Variants in LRP6 observed in about 807,000 individuals in gnomAD.
LRP6 encodes LDL receptor related protein 6, also known as low-density lipoprotein receptor-related protein 6.
A neutral mutation model predicts 184.1 loss-of-function variants in LRP6; 43 were observed. That is an observed-to-expected ratio of 0.23 (90% CI 0.18 to 0.30). The LOEUF is 0.30. Among genes scored for constraint, LRP6 ranks in the 10% least tolerant of loss-of-function variants. The probability of loss-of-function intolerance (pLI) is 1.00; values close to 1 mark genes in which losing one functional copy is unlikely to be tolerated. For missense variants in LRP6, 1,571 were observed against 2,005.3 expected (o/e 0.78, Z 4.14); for synonymous variants, 719 against 684.9 (o/e 1.05, Z -0.78).
intron 1 of LRP6, among the ~76,000 whole-genome samples, chr12:12,252,652 T>C (rs1026498749): frequency 6.6e-5 from 10 of 152,196 alleles, no homozygotes; most frequent in African/African-American, 2.4e-4. Flanking sequence ...GGATTTTTTT[T>C]CCTCAATGTT....
chr12:12,168,533 T>C (rs1591908370), intron 7 of LRP6, among the ~76,000 whole-genome samples: 1 of 152,126 alleles, frequency 6.6e-6, no homozygotes, highest in South Asian at 2.1e-4. Context: ...CTATGGCAGG[T>C]ATTAAATTCC....
At chr12:12,241,446 TAGG>T (rs1565700962) in intron 2 of LRP6, among the ~76,000 whole-genome samples, 1 of 152,230 alleles carries the variant, frequency 6.6e-6, no homozygotes, top group Non-Finnish European at 1.5e-5. Flanking sequence ...TTTTTCAGTG[TAGG>T]AGTTTAAAAT....
At chr12:12,187,564 A>G (rs1168686492) in intron 3 of LRP6, 2 of 204,820 alleles carry the variant, frequency 9.8e-6, no homozygotes, top group Non-Finnish European at 2.0e-5. Flanking sequence ...TATATCAGCA[A>G]TAGGTTTTTT....
chr12:12,252,784 T>C (rs1248510213), intron 1 of LRP6, among the ~76,000 whole-genome samples: 4 of 152,220 alleles, frequency 2.6e-5, no homozygotes, highest in African/African-American at 9.6e-5. Flanking sequence ...TCCAGACTGC[T>C]AAATCTTTTT....
chr12:12,135,386 G>A, intron 16 of LRP6, 86 bp from the exon 17 acceptor site: 1 of 828,784 alleles, frequency 1.2e-6, no homozygotes, highest in South Asian at 1.5e-5. Context: ...GGACAACCCT[G>A]TCAAAACTAT....
intron 4 of LRP6, among the ~76,000 whole-genome samples, chr12:12,186,127 A>T (rs1394303279): frequency 6.6e-6 from 1 of 152,076 alleles, no homozygotes; most frequent in Non-Finnish European, 1.5e-5. Context: ...GATTACAGGC[A>T]TGAGCCACCG....
intron 22 of LRP6, among the ~76,000 whole-genome samples, chr12:12,122,536 T>C (rs559180763): frequency 4.8e-4 from 73 of 152,274 alleles, no homozygotes; most frequent in African/African-American, 1.6e-3. Flanking sequence ...GGCTGCCAGA[T>C]TGTTCACAGT....
rs531950330 is a variant in LRP6 at position 12,233,193 on chromosome 12, C to T, written c.449+11069G>A. ...TTGTTAGAAAAAAAAATTGTCTGGGCGCGGTGGCTCATGCTTGTAATCCCA... is the reference window on the plus strand; with the variant it reads ...TTGTTAGAAAAAAAAATTGTCTGGGTGCGGTGGCTCATGCTTGTAATCCCA... On this transcript the variant is annotated intron_variant, in intron 2 of 22. Transcript: ENST00000261349. 2.6e-5 allele frequency among the ~76,000 whole-genome samples: 4 copies of T among 152,210 alleles called. No individual in the cohort carries two copies. The South Asian group carries it at 8.3e-4, about 32-fold the overall frequency.
chr12:12,178,476 T>G (rs2136983816), intron 7 of LRP6, among the ~76,000 whole-genome samples: 1 of 152,268 alleles, frequency 6.6e-6, no homozygotes, highest in South Asian at 2.1e-4. Flanking sequence ...CTTCTAAAAC[T>G]TATGGGCTTT....
intron 2 of LRP6, chr12:12,226,831 G>T (rs960012960): frequency 1.3e-5 from 2 of 151,884 alleles, no homozygotes; most frequent in African/African-American, 4.8e-5. Context: ...TATACAAAAG[G>T]TACAACATAC....
intron 2 of LRP6, among the ~76,000 whole-genome samples, chr12:12,219,359 C>T (rs1270646316): frequency 6.6e-6 from 1 of 152,146 alleles, no homozygotes; most frequent in Non-Finnish European, 1.5e-5. Flanking sequence ...GTGCCCGCCA[C>T]CACGCCTGGC....
intron 2 of LRP6, among the ~76,000 whole-genome samples, chr12:12,238,723 AT>A: frequency 6.6e-6 from 1 of 152,252 alleles, no homozygotes; most frequent in East Asian, 1.9e-4. Context: ...AAGAGTTACT[AT>A]TAACAGACGC....
rs544317072 is a variant in LRP6, at chr12:12,200,613, T to C, written c.647+2590A>G. On this transcript the variant is annotated intron_variant, in intron 3 of 22. Coordinates refer to ENST00000261349, the MANE Select transcript of LRP6 (RefSeq NM_002336.3). ...CTGCATACTGCTCCTGATGGGCTTT[T>C]TGAAGTTGTTTCTGCAAATTGGTGT... Among the ~76,000 whole-genome samples the C allele has an allele frequency of 2.0e-5, 3 of 152,356 alleles. No homozygotes were observed. The South Asian group carries it at 6.2e-4, about 32-fold the overall frequency.
intron 10 of LRP6, among the ~76,000 whole-genome samples, chr12:12,160,429 T>C (rs1221830434): frequency 6.6e-6 from 1 of 152,210 alleles, no homozygotes; most frequent in African/African-American, 2.4e-5. Context: ...TCAAAATAAG[T>C]TGCAGAAGTA....
intron 2 of LRP6, among the ~76,000 whole-genome samples, 167 bp from the exon 3 acceptor site, chr12:12,203,567 C>T (rs1863971935): frequency 1.3e-5 from 2 of 152,134 alleles, no homozygotes; most frequent in South Asian, 2.1e-4. Context: ...GAGATCGAGA[C>T]CATCCTGGCC....
At chr12:12,186,735 T>C in intron 4 of LRP6, 188 bp downstream of exon 4, 1 of 614,580 alleles carries the variant, frequency 1.6e-6, no homozygotes. Context: ...CTCAGCTCAC[T>C]GCAACCTCGG....
At chr12:12,258,770 G>A (rs1865536745) in intron 1 of LRP6, among the ~76,000 whole-genome samples, 1 of 152,214 alleles carries the variant, frequency 6.6e-6, no homozygotes, top group African/African-American at 2.4e-5. Context: ...TGGATATACA[G>A]TACTTAAATT....
chr12:12,180,931 G>A (rs1330846424), intron 6 of LRP6, 112 bp downstream of exon 6: 38 of 1,096,468 alleles, frequency 3.5e-5, no homozygotes, highest in Non-Finnish European at 5.0e-5. Context: ...AGCCATTAAA[G>A]AGCTGTTTAC....
intron 2 of LRP6, among the ~76,000 whole-genome samples, chr12:12,207,772 G>C (rs753924607): frequency 9.2e-5 from 14 of 152,040 alleles, no homozygotes; most frequent in Non-Finnish European, 2.1e-4. Context: ...GGCTGAACAT[G>C]GGTCAAATTT....
Sources: allele counts gnomAD v4.1 joint callset (sites outside exome capture counted in the v4.1 genomes callset), GRCh38; gene constraint gnomAD v4.1.1; transcripts MANE v1.5; gene names NCBI Gene and HGNC (gene_info 2026-07-23, HGNC 2026-07-21).